EPSTI1: variants seen among roughly 807,000 people sequenced by gnomAD.
EPSTI1 encodes epithelial-stromal interaction protein 1.
EPSTI1 carries 66 observed loss-of-function variants against 49.9 expected under a neutral mutation model. That is an observed-to-expected ratio of 1.32 (90% CI 1.08 to 1.62). The LOEUF is 1.62. Ranked by LOEUF, EPSTI1 falls within the 40% of genes most tolerant of loss-of-function variation. The pLI is 0.00. For missense variants in EPSTI1, 394 were observed against 365.5 expected (o/e 1.08, Z -0.64); for synonymous variants, 137 against 130.7 (o/e 1.05, Z -0.33).
intron 1 of EPSTI1, among the ~76,000 whole-genome samples, chr13:42,975,641 T>C (rs1379315191): frequency 1.3e-5 from 2 of 152,158 alleles, no homozygotes; most frequent in African/African-American, 4.8e-5. Flanking sequence ...TGCTGCTTCT[T>C]TCAGGTGGAG....
intron 10 of EPSTI1, among the ~76,000 whole-genome samples, chr13:42,890,868 A>G (rs962975956): frequency 6.6e-6 from 1 of 151,500 alleles, no homozygotes; most frequent in Non-Finnish European, 1.5e-5. Context: ...ATGTATTTTT[A>G]TTATTATTAT....
intron 6 of EPSTI1, among the ~76,000 whole-genome samples, chr13:42,938,652 C>T (rs1396209725): frequency 1.3e-5 from 2 of 151,884 alleles, no homozygotes; most frequent in South Asian, 4.2e-4. Context: ...AGCGGCTCAC[C>T]CCTGTAATCT....
chr13:42,905,758 G>A (rs1447470237), intron 8 of EPSTI1, among the ~76,000 whole-genome samples: 1 of 152,146 alleles, frequency 6.6e-6, no homozygotes, highest in Non-Finnish European at 1.5e-5. Flanking sequence ...ACAGTATAAT[G>A]AGGCAGACAC....
chr13:42,955,573 G>A (rs1363442063), intron 5 of EPSTI1, among the ~76,000 whole-genome samples: 5 of 152,090 alleles, frequency 3.3e-5, no homozygotes, highest in East Asian at 1.9e-4. Context: ...AGGCCGAGGC[G>A]GGCGGATCAT....
At chr13:42,921,682 G>A (rs1264372286) in intron 7 of EPSTI1, among the ~76,000 whole-genome samples, 1 of 152,092 alleles carries the variant, frequency 6.6e-6, no homozygotes, top group African/African-American at 2.4e-5. Context: ...TCACAATACA[G>A]CAGGCTCTCT....
chr13:42,948,425 G>GGTT (rs1409855393), intron 6 of EPSTI1, among the ~76,000 whole-genome samples: 1 of 128,082 alleles, frequency 7.8e-6, no homozygotes, highest in African/African-American at 3.1e-5. Flanking sequence ...GTGGCTTGTT[G>GGTT]TTTTTTTTTT....
intron 6 of EPSTI1, among the ~76,000 whole-genome samples, chr13:42,948,051 C>CCCCACAGCGCTCTCCACGGTGTT (rs1349350024): frequency 1.3e-5 from 2 of 152,270 alleles, no homozygotes; most frequent in Non-Finnish European, 2.9e-5. Flanking sequence ...CCAGGCCTCA[C>CCCCACAGCGCTCTCCACGGTGTT]CCCACAGCGC....
intron 1 of EPSTI1, among the ~76,000 whole-genome samples, chr13:42,986,834 G>T (rs912900243): frequency 6.6e-6 from 1 of 150,838 alleles, no homozygotes; most frequent in Admixed American, 6.6e-5. Flanking sequence ...ATCACCAATG[G>T]CCACTGATTT....
In EPSTI1 at chr13:42,897,648, A is replaced by G. The variant is rs541059638; in HGVS notation, c.816-2540T>C. Reference sequence around the variant, plus strand: ...AAGACTGATGCCTTGTCATGAAGACATAAGGTAATGTGATTCACTTTTGAG... The same window carrying G: ...AAGACTGATGCCTTGTCATGAAGACGTAAGGTAATGTGATTCACTTTTGAG... On this transcript the variant is annotated intron_variant, in intron 9 of 10. Transcript: ENST00000313624. Among the ~76,000 whole-genome samples, 14 of 152,342 alleles carry G rather than the reference A, an allele frequency of 9.2e-5. No homozygotes were observed. The South Asian group carries it at 2.7e-3, about 29-fold the overall frequency.
At chr13:42,916,740 T>C (rs896354986) in intron 8 of EPSTI1, among the ~76,000 whole-genome samples, 3 of 152,206 alleles carry the variant, frequency 2.0e-5, no homozygotes, top group African/African-American at 4.8e-5. Context: ...AGAGGAAAAG[T>C]TGGAAAATAA....
At chr13:42,985,669 C>T (rs1014123810) in intron 1 of EPSTI1, among the ~76,000 whole-genome samples, 1 of 152,182 alleles carries the variant, frequency 6.6e-6, no homozygotes, top group Admixed American at 6.5e-5. Flanking sequence ...AGGAGTTCTG[C>T]ATGGGCCAGG....
At position 42,911,401 on chromosome 13, in the gene EPSTI1, G is replaced by GA. The variant is rs553829998; in HGVS notation, c.741+6139dup. ...TCTGAAATAATTTGTAAAGCATAGGGAAAAAAAATCTGTTCCTTGAAAATT... is the reference window on the plus strand; with the variant it reads ...TCTGAAATAATTTGTAAAGCATAGGGAAAAAAAAATCTGTTCCTTGAAAATT... On this transcript the variant is annotated intron_variant, in intron 8 of 10. Transcript: ENST00000313624. Among the ~76,000 whole-genome samples the GA allele has an allele frequency of 6.6e-5, 10 of 151,976 alleles. 1 individual carries two copies. Among genetic ancestry groups the GA allele is most frequent in the South Asian group, 6.2e-4 (3 of 4,818 alleles).
At chr13:42,904,968 TTTTG>T (rs148140172) in intron 8 of EPSTI1, among the ~76,000 whole-genome samples, 2,060 of 152,268 alleles carry the variant, frequency 0.014, 26 homozygotes, top group Non-Finnish European at 0.022. Context: ...CTTACATAGT[TTTTG>T]TTTTTTAACT....
intron 5 of EPSTI1, among the ~76,000 whole-genome samples, chr13:42,956,041 G>A (rs771808357): frequency 2.6e-5 from 4 of 152,230 alleles, no homozygotes; most frequent in South Asian, 2.1e-4. Flanking sequence ...TTACAGCCTC[G>A]TTGGGGACAC....
At chr13:42,961,090 C>T (rs564055766) in intron 5 of EPSTI1, among the ~76,000 whole-genome samples, 47 of 152,270 alleles carry the variant, frequency 3.1e-4, no homozygotes, top group African/African-American at 9.1e-4. Flanking sequence ...ATATCATACA[C>T]ACAATAGGCC....
chr13:42,964,281 T>C (rs2039544259), intron 3 of EPSTI1, 142 bp from the exon 4 acceptor site: 1 of 573,636 alleles, frequency 1.7e-6, no homozygotes, highest in South Asian at 3.1e-5. Context: ...ACATAACCAG[T>C]TTTCCAAGAA....
chr13:42,977,251 T>G (rs1367403800), intron 1 of EPSTI1, among the ~76,000 whole-genome samples: 1 of 152,220 alleles, frequency 6.6e-6, no homozygotes, highest in Non-Finnish European at 1.5e-5. Flanking sequence ...TTTCCACTCT[T>G]ATGTGTGACA....
chr13:42,937,726 C>T (rs942508030), intron 6 of EPSTI1, among the ~76,000 whole-genome samples: 6 of 152,184 alleles, frequency 3.9e-5, no homozygotes, highest in Non-Finnish European at 8.8e-5. Flanking sequence ...TGCAAGACTT[C>T]CTCCACTGAA....
At chr13:42,913,663 T>C (rs1445697034) in intron 8 of EPSTI1, among the ~76,000 whole-genome samples, 1 of 152,150 alleles carries the variant, frequency 6.6e-6, no homozygotes, top group African/African-American at 2.4e-5. Flanking sequence ...TCATGCAAAG[T>C]AGGATGGATA....
Sources: allele counts gnomAD v4.1 joint callset (sites outside exome capture counted in the v4.1 genomes callset), GRCh38; gene constraint gnomAD v4.1.1; transcripts MANE v1.5; gene names NCBI Gene and HGNC (gene_info 2026-07-23, HGNC 2026-07-21).